HECW1: variants seen among roughly 807,000 people sequenced by gnomAD.
HECW1 encodes E3 ubiquitin-protein ligase HECW1.
A neutral mutation model predicts 182.3 loss-of-function variants in HECW1; 61 were observed. The observed-to-expected ratio is 0.33, with a 90% confidence interval of 0.27 to 0.41. The LOEUF is 0.41. Among genes scored for constraint, HECW1 ranks in the 10% least tolerant of loss-of-function variants. The pLI is 1.00. For synonymous variants in HECW1, 859 were observed against 832.6 expected (o/e 1.03, Z -0.55); for missense variants, 1,739 against 2,108.9 (o/e 0.82, Z 3.44).
intron 3 of HECW1, among the ~76,000 whole-genome samples, chr7:43,251,046 G>A (rs1799972492): frequency 1.3e-5 from 2 of 152,176 alleles, no homozygotes; most frequent in African/African-American, 4.8e-5. Flanking sequence ...TGCTTCTGGT[G>A]TCAGGGACCC....
chr7:43,130,046 T>C (rs1255832269), intron 2 of HECW1, among the ~76,000 whole-genome samples: 1 of 152,250 alleles, frequency 6.6e-6, no homozygotes, highest in Admixed American at 6.5e-5. Flanking sequence ...GAAAGGCTGA[T>C]TGTATACATT....
At chr7:43,253,306 C>A (rs12537565) in intron 3 of HECW1, among the ~76,000 whole-genome samples, 4,938 of 152,188 alleles carry the variant, frequency 0.032, 142 homozygotes, top group East Asian at 0.16. Context: ...CTGCCACATG[C>A]CTACACATAG....
intron 2 of HECW1, among the ~76,000 whole-genome samples, chr7:43,185,162 AG>A: frequency 6.6e-6 from 1 of 152,184 alleles, no homozygotes; most frequent in East Asian, 1.9e-4. Context: ...GTGGGGGGGA[AG>A]GGGCTGGCTT....
rs550682249 is a variant in HECW1 at position 43,469,055 on chromosome 7, C to A, written c.3049C>A (p.Arg1017=). The change falls in exon 16 of 30, where the codon CGG becomes AGG. Residue 1017 remains arginine, a synonymous_variant. Coordinates refer to ENST00000395891, the MANE Select transcript of HECW1 (RefSeq NM_015052.5). The part of the protein sequence containing the change: ...VNFINMFADT[R]LELPRGWEIK... ...TTTCATCAACATGTTCGCAGACACT[C>A]GGCTGGAACTGCCCCGGGGCTGGGA... 1.9e-6 allele frequency: 3 copies of A among 1,614,072 alleles called. No homozygotes were observed. The highest frequency in any genetic ancestry group is 2.7e-5 in the African/African-American group (2 of 74,922).
chr7:43,242,995 G>A (rs973248928), intron 2 of HECW1, among the ~76,000 whole-genome samples: 17 of 152,256 alleles, frequency 1.1e-4, no homozygotes, highest in African/African-American at 3.9e-4. Flanking sequence ...CAGAATGCAA[G>A]CTTGCTACTT....
At chr7:43,507,388 G>A (rs1226091944) in intron 22 of HECW1, 131 bp downstream of exon 22, 9 of 834,670 alleles carry the variant, frequency 1.1e-5, no homozygotes, top group Admixed American at 5.9e-5. Flanking sequence ...TGAAGCGGGG[G>A]AAGAAGGAAG....
At chr7:43,494,070 G>A (rs914172770) in intron 19 of HECW1, among the ~76,000 whole-genome samples, 5 of 152,174 alleles carry the variant, frequency 3.3e-5, no homozygotes, top group East Asian at 1.9e-4. Context: ...CGACTTCCTC[G>A]GGGAATCACT....
intron 3 of HECW1, among the ~76,000 whole-genome samples, chr7:43,253,758 A>G (rs142136312): frequency 0.033 from 4,950 of 152,260 alleles, 142 homozygotes; most frequent in East Asian, 0.16. Context: ...ATACAAAAAA[A>G]TTAGCCAGGC....
intron 5 of HECW1, among the ~76,000 whole-genome samples, chr7:43,358,682 G>A (rs1298611984): frequency 1.3e-5 from 2 of 152,096 alleles, no homozygotes; most frequent in Non-Finnish European, 2.9e-5. Context: ...TCTATTTTAA[G>A]CCTATTTTTA....
At chr7:43,221,702 C>T (rs6968383) in intron 2 of HECW1, among the ~76,000 whole-genome samples, 60,296 of 150,908 alleles carry the variant, frequency 0.4, 12,376 homozygotes, top group Middle Eastern at 0.48. Flanking sequence ...TACAGGTGCC[C>T]ACCACCACGC....
chr7:43,252,683 T>G (rs1333038669), intron 3 of HECW1, among the ~76,000 whole-genome samples: 1 of 152,188 alleles, frequency 6.6e-6, no homozygotes, highest in Non-Finnish European at 1.5e-5. Flanking sequence ...TTTTGTAACC[T>G]TCATCATGGA....
At chr7:43,280,431 C>G (rs1389343801) in intron 3 of HECW1, among the ~76,000 whole-genome samples, 1 of 152,180 alleles carries the variant, frequency 6.6e-6, no homozygotes, top group East Asian at 1.9e-4. Flanking sequence ...CCGAGTCACA[C>G]AGCTAGTTAA....
intron 2 of HECW1, among the ~76,000 whole-genome samples, chr7:43,226,543 C>T (rs1797443914): frequency 6.6e-6 from 1 of 152,202 alleles, no homozygotes; most frequent in South Asian, 2.1e-4. Flanking sequence ...TGTCACTCAA[C>T]TGACAGGTCG....
chr7:43,321,846 T>C (rs1169396916), intron 5 of HECW1, among the ~76,000 whole-genome samples: 2 of 152,208 alleles, frequency 1.3e-5, no homozygotes, highest in African/African-American at 2.4e-5. Context: ...TCAAGGACTA[T>C]AGATGTGAAG....
At position 43,488,722 on chromosome 7, in the gene HECW1, G is replaced by A. The variant is rs2078817593; in HGVS notation, c.3235-3353G>A. Among the ~76,000 whole-genome samples the A allele has an allele frequency of 2.6e-5, 4 of 152,110 alleles. No homozygotes were observed. In the South Asian group the frequency reaches 6.2e-4, roughly 24 times the overall value. On this transcript the variant is annotated intron_variant, in intron 17 of 29. Transcript: ENST00000395891. ...ACTGTCTTCATCGCTGTCCATTCCT[G>A]GGCCCCTTGTTGGAGAAGGGCGTTT...
chr7:43,251,973 G>C (rs376883464), intron 3 of HECW1, among the ~76,000 whole-genome samples: 1 of 152,078 alleles, frequency 6.6e-6, no homozygotes, highest in African/African-American at 2.4e-5. Flanking sequence ...CATTCCACGG[G>C]GTCCTTGGCT....
chr7:43,316,963 A>T (rs1250337714), intron 4 of HECW1, among the ~76,000 whole-genome samples: 1 of 151,136 alleles, frequency 6.6e-6, no homozygotes, highest in Non-Finnish European at 1.5e-5. Context: ...CAAGATCGGG[A>T]AGGTGAATAT....
chr7:43,378,987 T>TG (rs1199029541), intron 6 of HECW1, among the ~76,000 whole-genome samples: 8 of 152,046 alleles, frequency 5.3e-5, no homozygotes, highest in East Asian at 1.9e-4. Flanking sequence ...TTATTGCTTA[T>TG]GGGGGGGCGG....
At chr7:43,232,894 C>A (rs1798007007) in intron 2 of HECW1, among the ~76,000 whole-genome samples, 1 of 152,178 alleles carries the variant, frequency 6.6e-6, no homozygotes, top group South Asian at 2.1e-4. Flanking sequence ...AAATCATTAA[C>A]ACCAAAAACA....
Sources: gnomAD v4.1 joint callset for allele counts (sites outside exome capture counted in the v4.1 genomes callset) on GRCh38, gnomAD v4.1.1 for gene constraint, MANE v1.5 for transcripts, NCBI Gene and HGNC (gene_info 2026-07-23, HGNC 2026-07-21) for gene names.